Variants in NR5A2 observed in about 807,000 individuals in gnomAD.
The protein encoded by NR5A2 is CYP7A promoter-binding factor.
Under a neutral mutation model 62.7 loss-of-function variants are expected in NR5A2, and 26 were observed. That is an observed-to-expected ratio of 0.41 (90% CI 0.30 to 0.58). The LOEUF (loss-of-function observed/expected upper bound fraction) is 0.58. Among genes scored for constraint, NR5A2 ranks in the 20% least tolerant of loss-of-function variants. The probability of loss-of-function intolerance (pLI) is 0.22; values close to 1 mark genes in which losing one functional copy is unlikely to be tolerated. For synonymous variants in NR5A2, 246 were observed against 241.7 expected, an observed-to-expected ratio of 1.02 and a Z score of -0.16; for missense variants, 541 against 669.1, an observed-to-expected ratio of 0.81 and a Z score of 2.11.
intron 6 of NR5A2, among the ~76,000 whole-genome samples, chr1:200,120,296 T>C (rs1463310256): frequency 6.6e-6 from 1 of 152,172 alleles, no homozygotes; most frequent in Non-Finnish European, 1.5e-5. Context: ...TGTATATACA[T>C]AGAACACTCT....
intron 5 of NR5A2, among the ~76,000 whole-genome samples, chr1:200,091,205 C>T (rs1664798584): frequency 6.6e-6 from 1 of 152,150 alleles, no homozygotes; most frequent in African/African-American, 2.4e-5. Context: ...GGGTTAGGGA[C>T]TAGACTGACT....
chr1:200,132,295 C>G (rs1388660493), intron 7 of NR5A2, among the ~76,000 whole-genome samples: 3 of 152,120 alleles, frequency 2.0e-5, no homozygotes, highest in African/African-American at 7.2e-5. Flanking sequence ...CAGGTGTGAG[C>G]CAATGTGCCC....
chr1:200,155,166 T>C lies in NR5A2; in HGVS notation c.1379-18797T>C, dbSNP rs145735564. On this transcript the variant is annotated intron_variant, in intron 7 of 7. Coordinates refer to ENST00000367362, the MANE Select transcript of NR5A2 (RefSeq NM_205860.3). ...CCACCAACCAATGCAGAAGTGGGAT[T>C]AAGATTGATAATCCTGAGATAGCAT... Among the ~76,000 whole-genome samples the C allele has an allele frequency of 2.7e-3, 404 of 152,312 alleles. 1 individual carries two copies. Among genetic ancestry groups the C allele is most frequent in the Non-Finnish European group, 4.4e-3 (296 of 68,018 alleles).
intron 1 of NR5A2, chr1:200,029,555 G>A (rs528282465): frequency 6.6e-6 from 1 of 152,638 alleles, no homozygotes; most frequent in Non-Finnish European, 1.5e-5. Flanking sequence ...CAGAGGGCTG[G>A]GAACCGGAGG....
At chr1:200,089,063 C>T (rs754667343) in intron 5 of NR5A2, among the ~76,000 whole-genome samples, 1 of 152,158 alleles carries the variant, frequency 6.6e-6, no homozygotes, top group Non-Finnish European at 1.5e-5. Flanking sequence ...TTCTCATCCA[C>T]ACATTCTTAG....
intron 7 of NR5A2, among the ~76,000 whole-genome samples, chr1:200,157,450 GATA>G (rs1653439575): frequency 6.6e-6 from 1 of 152,030 alleles, no homozygotes; most frequent in African/African-American, 2.4e-5. Context: ...AATATGATCA[GATA>G]ATAAGATATC....
chr1:200,038,313 C>T lies in NR5A2; in HGVS notation c.65-1345C>T, dbSNP rs193171946. Among the ~76,000 whole-genome samples the T allele has an allele frequency of 2.6e-5, 4 of 152,322 alleles. No homozygotes were observed. In the East Asian group the frequency reaches 5.8e-4, roughly 22 times the overall value. On this transcript the variant is annotated intron_variant, in intron 1 of 7. Transcript: ENST00000367362. ...AGGTCACTAAAACTGGAAAGTCTGT[C>T]GCTTAGATGATCTTGGGCTCCAGTC...
At chr1:200,038,699 A>C in intron 1 of NR5A2, 1 of 1,366,176 alleles carries the variant, frequency 7.3e-7, no homozygotes, top group African/African-American at 1.5e-5. Flanking sequence ...GCTTCCCCTC[A>C]GATCGAGGAA....
chr1:200,066,596 T>C (rs929242672), intron 5 of NR5A2, among the ~76,000 whole-genome samples: 1 of 141,712 alleles, frequency 7.1e-6, no homozygotes, highest in South Asian at 2.2e-4. Flanking sequence ...ATCTTTTTTT[T>C]TTTTTTTTTG....
chr1:200,170,304 T>A (rs1010558011), intron 7 of NR5A2, among the ~76,000 whole-genome samples: 4 of 152,200 alleles, frequency 2.6e-5, no homozygotes, highest in African/African-American at 9.6e-5. Context: ...TAGCTTTGCA[T>A]TAAACATGCT....
Position 200,064,793 on chromosome 1 carries a change from A to T in NR5A2, c.1110+15975A>T, listed in dbSNP as rs562441068. ...TTACTATCTAAACTTGTACTAAAGG[A>T]GTTGGTATCTTTTATGTCCTTAGTT... On this transcript the variant is annotated intron_variant, in intron 5 of 7. Coordinates refer to ENST00000367362, the MANE Select transcript of NR5A2 (RefSeq NM_205860.3). Among the ~76,000 whole-genome samples, 4 of 152,270 alleles carry T rather than the reference A, an allele frequency of 2.6e-5. 2 individuals carry two copies. Among genetic ancestry groups the T allele is most frequent in the African/African-American group, 9.6e-5 (4 of 41,556 alleles).
Position 200,029,195 on chromosome 1 carries a change from C to A in NR5A2, c.64+1284C>A, listed in dbSNP as rs981257406. 26 of 352,944 alleles carry A rather than the reference C, an allele frequency of 7.4e-5. No individual in the cohort carries two copies. In the Admixed American group the frequency reaches 8.5e-4, roughly 12 times the overall value. 21.9% of individuals were successfully genotyped at this position (352,944 alleles called of 1,614,324 possible). On this transcript the variant is annotated intron_variant, in intron 1 of 7. Coordinates refer to ENST00000367362, the MANE Select transcript of NR5A2 (RefSeq NM_205860.3). ...TCCGGGGCCGCAGCTAGAGCGCGCT[C>A]GGGCCGGAGACGCGGACTGCGCGCG...
chr1:200,161,212 A>G (rs1653626762), intron 7 of NR5A2, among the ~76,000 whole-genome samples: 1 of 152,164 alleles, frequency 6.6e-6, no homozygotes, highest in African/African-American at 2.4e-5. Flanking sequence ...TTTAAATACA[A>G]CTTTATTTGA....
At chr1:200,156,491 G>A (rs1351702038) in intron 7 of NR5A2, among the ~76,000 whole-genome samples, 6 of 152,092 alleles carry the variant, frequency 3.9e-5, no homozygotes, top group African/African-American at 7.2e-5. Context: ...TCTGCCTCCC[G>A]GGTTCAAGCA....
chr1:200,176,021 T>G lies in NR5A2; in HGVS notation c.*1811T>G, dbSNP rs1654403555. ...CAAGACTGAAGAAACCAAATATATG[T>G]GTTTACTGTAGCATGTCTTCAAATT... On this transcript the variant is annotated 3_prime_UTR_variant, in exon 8 of 8. Transcript: ENST00000367362. 6.6e-6 allele frequency: 1 copy of G among 152,662 alleles called. No homozygotes were observed. Among genetic ancestry groups the G allele is most frequent in the South Asian group, 2.1e-4 (1 of 4,838 alleles). The allele number at this position is 152,662 out of a possible 1,614,324, so 9.5% of individuals were successfully genotyped here. A position where few individuals can be genotyped will look rare whatever the true frequency, so the allele number is the denominator to read the frequency against.
chr1:200,042,477 T>C (rs1662149191), intron 2 of NR5A2, among the ~76,000 whole-genome samples: 1 of 152,232 alleles, frequency 6.6e-6, no homozygotes, highest in Non-Finnish European at 1.5e-5. Context: ...TATTTCTCTT[T>C]CCTTTTTGGT....
rs980974459 is a variant in NR5A2 at position 200,048,949 on chromosome 1, A to C, written c.1110+131A>C. ...CTACTTTGTATGATTTACAGAGTAG[A>C]CGTAATTTTATTACCTTGACTTCAG... On this transcript the variant is annotated intron_variant, in intron 5 of 7. Transcript: ENST00000367362. This position sits in a 1 kb window ranked among gnomAD's most constrained non-coding sequence, Gnocchi z 4.8. 1 of 1,173,240 alleles carries C rather than the reference A, an allele frequency of 8.5e-7. No homozygotes were observed. The highest frequency in any genetic ancestry group is 1.2e-6 in the Non-Finnish European group (1 of 838,082). 72.7% of individuals were successfully genotyped at this position (1,173,240 alleles called of 1,614,324 possible).
At chr1:200,161,889 G>C (rs1653660225) in intron 7 of NR5A2, among the ~76,000 whole-genome samples, 1 of 152,206 alleles carries the variant, frequency 6.6e-6, no homozygotes, top group South Asian at 2.1e-4. Context: ...TTTTATGTGT[G>C]TGGTGCTATA....
chr1:200,042,723 C>G (rs569722895), intron 2 of NR5A2: 5 of 831,008 alleles, frequency 6.0e-6, no homozygotes, highest in Non-Finnish European at 7.3e-6. Flanking sequence ...CCCGCCCACC[C>G]GCGCCCCGCG....
Sources: allele counts gnomAD v4.1 joint callset (sites outside exome capture counted in the v4.1 genomes callset), GRCh38; gene constraint gnomAD v4.1.1; non-coding constraint Gnocchi (gnomAD v3.1); transcripts MANE v1.5; gene names NCBI Gene and HGNC (gene_info 2026-07-23, HGNC 2026-07-21).